The following ARG1 variants were observed in gnomAD, a reference collection of about 807,000 sequenced individuals.
The protein encoded by ARG1 is arginase-1.
A neutral mutation model predicts 33.0 loss-of-function variants in ARG1; 20 were observed. The observed-to-expected ratio is 0.61, with a 90% confidence interval of 0.43 to 0.88. The LOEUF is 0.88. Among genes scored for constraint, ARG1 ranks in the 40% least tolerant of loss-of-function variants. The pLI is 0.00. For synonymous variants in ARG1, 146 were observed against 140.6 expected, an observed-to-expected ratio of 1.04 and a Z score of -0.27; for missense variants, 374 against 384.7, an observed-to-expected ratio of 0.97 and a Z score of 0.23.
chr6:131,582,867 ATATG>A (rs1390343358), intron 5 of ARG1, 152 bp downstream of exon 5: 5 of 771,288 alleles, frequency 6.5e-6, no homozygotes, highest in African/African-American at 1.7e-5. Flanking sequence ...ATGTACATAC[ATATG>A]TATGTATCCA....
chr6:131,578,101 G>A lies in ARG1; in HGVS notation c.131-1010G>A, dbSNP rs183115803. Reference sequence around the variant, plus strand: ...GGGGGCAAGAATTACCTCTAAAGGGGCAGGATGGAATTTTTCAAACTCATT... The same window carrying A: ...GGGGGCAAGAATTACCTCTAAAGGGACAGGATGGAATTTTTCAAACTCATT... On this transcript the variant is annotated intron_variant, in intron 2 of 7. Coordinates refer to ENST00000368087, the MANE Select transcript of ARG1 (RefSeq NM_000045.4). Among the ~76,000 whole-genome samples, 21 of 151,752 alleles carry A rather than the reference G, an allele frequency of 1.4e-4. No individual in the cohort carries two copies. The East Asian group carries it at 2.9e-3, about 21-fold the overall frequency.
chr6:131,582,874 T>C (rs972333491), intron 5 of ARG1, among the ~76,000 whole-genome samples, 159 bp downstream of exon 5: 1 of 152,186 alleles, frequency 6.6e-6, no homozygotes, highest in Non-Finnish European at 1.5e-5. Flanking sequence ...TACATATGTA[T>C]GTATCCAGGC....
intron 1 of ARG1, chr6:131,574,279 T>C (rs764610587): frequency 1.9e-6 from 3 of 1,613,886 alleles, no homozygotes; most frequent in African/African-American, 2.7e-5. Flanking sequence ...ACCCTTGCTG[T>C]GTACTCTGAC....
chr6:131,579,225 G>C lies in ARG1; in HGVS notation c.245G>C (p.Gly82Ala). Residue 82 changes from glycine to alanine, a missense_variant, in exon 3 of 8, where the codon GGC (glycine) becomes GCC (alanine). Transcript: ENST00000368087. ...GGAAAAGCAAGCGAGCAGCTGGCTG[G>C]CAAGGTGGCAGAAGTCAAGAAGAAC... ...SVGKASEQLA[G>A]KVAEVKKNGR... 6.2e-7 allele frequency: 1 copy of C among 1,614,116 alleles called. No individual in the cohort carries two copies. The highest frequency in any genetic ancestry group is 2.2e-5 in the East Asian group (1 of 44,874).
At position 131,583,094 on chromosome 6, in the gene ARG1, T is replaced by C. The variant is rs1313116151; in HGVS notation, c.595T>C (p.Ser199Pro). 2 of 1,613,800 alleles carry C rather than the reference T, an allele frequency of 1.2e-6. No individual in the cohort carries two copies. Among genetic ancestry groups the C allele is most frequent in the Admixed American group, 3.3e-5 (2 of 59,998 alleles). ...GAAAACTCTAGGCATTAAATACTTT[T>C]CAATGACTGAAGTGGACAGACTAGG... ...ILKTLGIKYFSMTEVDRLGIG... is the reference protein window; with the variant it reads ...ILKTLGIKYFPMTEVDRLGIG... Residue 199 changes from serine (S) to proline (P), a missense_variant, in exon 6 of 8, where the codon TCA becomes CCA. Transcript: ENST00000368087.
chr6:131,576,788 A>G (rs1014367103), intron 2 of ARG1, 53 bp downstream of exon 2: 3 of 1,497,392 alleles, frequency 2.0e-6, no homozygotes, highest in Non-Finnish European at 2.8e-6. Context: ...ACTCTGAAGG[A>G]AAGAGCAGGC....
In ARG1 at chr6:131,581,305, C is replaced by T. The variant is rs574320679; in HGVS notation, c.392C>T (p.Thr131Ile). The change falls in exon 4 of 8, where the codon ACT (threonine) becomes ATT (isoleucine). Residue 131 changes from threonine to isoleucine, a missense_variant. Transcript: ENST00000368087. Reference protein sequence around the residue: ...IWVDAHTDINTPLTTTSGNLH... With the variant: ...IWVDAHTDINIPLTTTSGNLH... The stretch of plus-strand genomic sequence containing the variant: ...GTGGATGCTCACACTGATATCAACA[C>T]TCCACTGACAACCACAAGTGGAAAC... The T allele has an allele frequency of 9.3e-6, 15 of 1,613,942 alleles. No individual in the cohort carries two copies. The highest frequency in any genetic ancestry group is 1.2e-5 in the Non-Finnish European group (14 of 1,179,872).
intron 3 of ARG1, among the ~76,000 whole-genome samples, chr6:131,580,831 A>G (rs779800455): frequency 2.6e-5 from 4 of 152,194 alleles, no homozygotes; most frequent in Non-Finnish European, 5.9e-5. Context: ...ACCAAGAGAG[A>G]TGAGTGTACA....
chr6:131,578,217 C>T (rs1257110756), intron 2 of ARG1, among the ~76,000 whole-genome samples: 1 of 150,936 alleles, frequency 6.6e-6, no homozygotes, highest in Admixed American at 6.6e-5. Context: ...AATACAGACA[C>T]CCAGTAGAGA....
chr6:131,579,141 C>T lies in ARG1; in HGVS notation c.161C>T (p.Pro54Leu), dbSNP rs1242421631. ...GATGTGAAGGATTATGGGGACCTGC[C>T]CTTTGCTGACATCCCTAATGACAGT... ...ECDVKDYGDL[P>L]FADIPNDSPF... Residue 54 changes from proline (P) to leucine (L), a missense_variant, in exon 3 of 8, where the codon CCC becomes CTC. By Grantham distance (98) the Pro-to-Leu change is moderately conservative (BLOSUM62 -3). Coordinates refer to ENST00000368087, the MANE Select transcript of ARG1 (RefSeq NM_000045.4). The T allele has an allele frequency of 6.2e-6, 10 of 1,613,924 alleles. No individual in the cohort carries two copies. Among genetic ancestry groups the T allele is most frequent in the Admixed American group, 1.7e-5 (1 of 59,994 alleles).
rs1554251356 is a variant in ARG1, at chr6:131,583,875, CA to C, written c.938del (p.Lys313SerfsTer22). On this transcript the variant is annotated frameshift_variant, in exon 8 of 8. Transcript: ENST00000368087. LOFTEE classifies it high-confidence loss of function. ...CFGLAREGNHKPIDYLNPPK is the reference protein window; with the variant it reads ...CFGLAREGNHXPIDYLNPPK ...TCGGACTTGCTCGGGAGGGTAATCA[CA>C]AGCCTATTGACTACCTTAACCCACC... is the stretch of plus-strand genomic sequence containing the variant. 3.1e-6 allele frequency: 5 copies of C among 1,614,006 alleles called. No individual in the cohort carries two copies. The Admixed American group carries it at 8.3e-5, about 27-fold the overall frequency.
chr6:131,583,821 C>A lies in ARG1; in HGVS notation c.882C>A (p.Asn294Lys), dbSNP rs756944730. 1.1e-5 allele frequency: 18 copies of A among 1,614,118 alleles called. No individual in the cohort carries two copies. The highest frequency in any genetic ancestry group is 3.3e-5 in the Admixed American group (2 of 60,028). ...KTPEEVTRTV[N>K]TAVAITLACF... ...CAGAAGAAGTAACTCGAACAGTGAACACAGCAGTTGCAATAACCTTGGCTT... is the reference window on the plus strand; with the variant it reads ...CAGAAGAAGTAACTCGAACAGTGAAAACAGCAGTTGCAATAACCTTGGCTT... Residue 294 changes from asparagine (N) to lysine (K), a missense_variant, in exon 8 of 8, where the codon AAC becomes AAA. Transcript: ENST00000368087.
intron 2 of ARG1, among the ~76,000 whole-genome samples, chr6:131,578,265 CA>C (rs1773728357): frequency 6.6e-6 from 1 of 150,898 alleles, no homozygotes; most frequent in South Asian, 2.1e-4. Context: ...CCTTAACTGA[CA>C]AGCATAATTT....
At chr6:131,579,050 C>T in intron 2 of ARG1, 61 bp from the exon 3 acceptor site, 1 of 1,574,002 alleles carries the variant, frequency 6.4e-7, no homozygotes, top group South Asian at 1.1e-5. Flanking sequence ...TGAGATCATC[C>T]TACACAGACT....
Position 131,581,299 on chromosome 6 carries a change from T to A in ARG1, c.386T>A (p.Ile129Asn). Residue 129 changes from isoleucine (I) to asparagine (N), a missense_variant, in exon 4 of 8, where the codon ATC becomes AAC. By Grantham distance (149) the Ile-to-Asn change is moderately radical (BLOSUM62 -3). Coordinates refer to ENST00000368087, the MANE Select transcript of ARG1 (RefSeq NM_000045.4). ...GVIWVDAHTDINTPLTTTSGN... is the reference protein window; with the variant it reads ...GVIWVDAHTDNNTPLTTTSGN... Reference sequence around the variant, plus strand: ...ATCTGGGTGGATGCTCACACTGATATCAACACTCCACTGACAACCACAAGT... The same window carrying A: ...ATCTGGGTGGATGCTCACACTGATAACAACACTCCACTGACAACCACAAGT... The A allele has an allele frequency of 3.1e-6, 5 of 1,613,912 alleles. No homozygotes were observed. Among genetic ancestry groups the A allele is most frequent in the Non-Finnish European group, 4.2e-6 (5 of 1,179,860 alleles).
intron 2 of ARG1, among the ~76,000 whole-genome samples, chr6:131,577,457 T>C (rs1233724294): frequency 6.6e-6 from 1 of 152,194 alleles, no homozygotes; most frequent in Non-Finnish European, 1.5e-5. Context: ...TATGTTTTCA[T>C]TTCTCTTGGG....
Position 131,574,240 on chromosome 6 carries a change from G to C in ARG1, c.57+901G>C, listed in dbSNP as rs540891806. On this transcript the variant is annotated intron_variant, in intron 1 of 7. Coordinates refer to ENST00000368087, the MANE Select transcript of ARG1 (RefSeq NM_000045.4). ...TTTTCTCCAGGTTTCTCAGGATCTG[G>C]GCAGCGTTTTGCTTCCTCTTAATTT... 18 of 1,609,644 alleles carry C rather than the reference G, an allele frequency of 1.1e-5. No individual in the cohort carries two copies. The African/African-American group carries it at 2.4e-4, about 21-fold the overall frequency.
At chr6:131,579,742 C>T (rs1246466164) in intron 3 of ARG1, 2 of 158,450 alleles carry the variant, frequency 1.3e-5, no homozygotes, top group African/African-American at 4.8e-5. Context: ...TTGTACTTCT[C>T]TAGCAACCAT....
At chr6:131,580,612 G>C (rs1773870760) in intron 3 of ARG1, among the ~76,000 whole-genome samples, 1 of 152,166 alleles carries the variant, frequency 6.6e-6, no homozygotes, top group Non-Finnish European at 1.5e-5. Context: ...AATGTCTGGA[G>C]CTTGAAGTAT....
Sources: gnomAD v4.1 joint callset for allele counts (sites outside exome capture counted in the v4.1 genomes callset) on GRCh38, gnomAD v4.1.1 for gene constraint, MANE v1.5 for transcripts, NCBI Gene and HGNC (gene_info 2026-07-23, HGNC 2026-07-21) for gene names.